The following DOCK1 variants were observed in gnomAD, a reference collection of about 807,000 sequenced individuals.
DOCK1 encodes dedicator of cytokinesis protein 1.
DOCK1 carries 138 observed loss-of-function variants against 262.7 expected under a neutral mutation model. That is an observed-to-expected ratio of 0.53 (90% confidence interval 0.46 to 0.61). DOCK1 has a LOEUF of 0.61. Among genes scored for constraint, DOCK1 ranks in the 20% least tolerant of loss-of-function variants. The pLI is 0.00. For synonymous variants in DOCK1, 866 were observed against 867.4 expected (o/e 1.00, Z 0.03); for missense variants, 1,908 against 2,370.7 (o/e 0.80, Z 4.05).
At chr10:127,411,152 CTG>C (rs1339811133) in intron 43 of DOCK1, among the ~76,000 whole-genome samples, 3 of 152,182 alleles carry the variant, frequency 2.0e-5, no homozygotes, top group Non-Finnish European at 2.9e-5. Context: ...AATAAGGAGA[CTG>C]TGCCGTCCAA....
chr10:127,092,761 G>A (rs2047615508), intron 23 of DOCK1, among the ~76,000 whole-genome samples: 1 of 152,160 alleles, frequency 6.6e-6, no homozygotes, highest in Non-Finnish European at 1.5e-5. Flanking sequence ...GGGATTACAG[G>A]CGTGAGCCAC....
chr10:127,390,263 A>G (rs1029803590), intron 38 of DOCK1, among the ~76,000 whole-genome samples: 4 of 152,202 alleles, frequency 2.6e-5, no homozygotes, highest in African/African-American at 7.2e-5. Flanking sequence ...ATTAATTGGT[A>G]GGACTCTAAC....
chr10:127,153,962 T>TG (rs768106968), intron 27 of DOCK1: 10 of 1,461,116 alleles, frequency 6.8e-6, no homozygotes, highest in Non-Finnish European at 9.6e-6. Flanking sequence ...AAGCGGTGGC[T>TG]GGGGGTCACT....
intron 29 of DOCK1, among the ~76,000 whole-genome samples, chr10:127,280,637 G>A (rs2060927210): frequency 6.6e-6 from 1 of 152,266 alleles, no homozygotes; most frequent in African/African-American, 2.4e-5. Flanking sequence ...AGAATTCTGG[G>A]CATAGATCAG....
At chr10:127,329,298 C>T (rs143515119) in intron 29 of DOCK1, among the ~76,000 whole-genome samples, 28 of 152,320 alleles carry the variant, frequency 1.8e-4, no homozygotes, top group African/African-American at 6.3e-4. Context: ...GGCTGTCCTT[C>T]ACTCACCCAA....
chr10:127,257,279 A>G, intron 28 of DOCK1, 56 bp from the exon 29 acceptor site: 1 of 1,354,506 alleles, frequency 7.4e-7, no homozygotes, highest in Non-Finnish European at 1.0e-6. Flanking sequence ...ACAGGAGGGT[A>G]TCATGTTTAC....
At position 127,175,474 on chromosome 10, in the gene DOCK1, A is replaced by G. The variant is rs2055007165; in HGVS notation, c.2847+47710A>G. On this transcript the variant is annotated intron_variant, in intron 27 of 51. Coordinates refer to ENST00000623213, the MANE Select transcript of DOCK1 (RefSeq NM_001290223.2). This position sits in a 1 kb window ranked among gnomAD's most constrained non-coding sequence, Gnocchi z 6.3. The stretch of plus-strand genomic sequence containing the variant: ...GGGGACAGGCACTGCATCGGGGGTG[A>G]GCAGGCCAGGGCAGTTTCCGAGGGC... 1 of 1,609,578 alleles carries G rather than the reference A, an allele frequency of 6.2e-7. No homozygotes were observed.
At chr10:127,201,666 G>A (rs903388819) in intron 27 of DOCK1, among the ~76,000 whole-genome samples, 1 of 152,090 alleles carries the variant, frequency 6.6e-6, no homozygotes, top group South Asian at 2.1e-4. Flanking sequence ...AAGAGCAGGC[G>A]TGCACTCTGG....
chr10:127,152,524 C>A (rs1223128765), intron 27 of DOCK1, among the ~76,000 whole-genome samples: 2 of 152,148 alleles, frequency 1.3e-5, no homozygotes, highest in African/African-American at 4.8e-5. Flanking sequence ...GTGCCTCTTA[C>A]AACACTCTAA....
intron 39 of DOCK1, among the ~76,000 whole-genome samples, chr10:127,403,754 G>C (rs544823315): frequency 6.6e-6 from 1 of 152,090 alleles, no homozygotes. Flanking sequence ...GTGAGAGTCC[G>C]TCTCAAAAAA....
At chr10:127,392,439 T>G (rs2134206358) in intron 38 of DOCK1, among the ~76,000 whole-genome samples, 1 of 152,244 alleles carries the variant, frequency 6.6e-6, no homozygotes, top group East Asian at 1.9e-4. Flanking sequence ...CCACTCCATT[T>G]TTTTAAATAG....
chr10:127,433,010 A>G (rs1473137650), intron 47 of DOCK1, among the ~76,000 whole-genome samples: 3 of 152,182 alleles, frequency 2.0e-5, no homozygotes, highest in African/African-American at 7.2e-5. Context: ...GAATGTGTTG[A>G]CGCATCGCGG....
In DOCK1 at chr10:127,283,413, C is replaced by A. The variant is rs1004064431; in HGVS notation, c.3044+25984C>A. 2.0e-4 allele frequency among the ~76,000 whole-genome samples: 31 copies of A among 152,242 alleles called. 1 individual carries two copies. The highest frequency in any genetic ancestry group is 7.2e-4 in the African/African-American group (30 of 41,460). On this transcript the variant is annotated intron_variant, in intron 29 of 51. Coordinates refer to ENST00000623213, the MANE Select transcript of DOCK1 (RefSeq NM_001290223.2). ...AGGTTACTGAAGCCTCCAGAAGGCA[C>A]ACTGTCTGATCCAACTCACATGCCA...
Position 126,996,882 on chromosome 10 carries a change from A to G in DOCK1, c.608A>G (p.Lys203Arg). The change falls in exon 7 of 52, where the codon AAA (lysine) becomes AGA (arginine). Residue 203 changes from lysine to arginine, a missense_variant and splice_region_variant. Lys to Arg is a conservative substitution (Grantham distance 26). Coordinates refer to ENST00000623213, the MANE Select transcript of DOCK1 (RefSeq NM_001290223.2). ...KQVEERLQEE[K>R]SQKQNIDINR... ...GTGGAGGAAAGGTTACAAGAGGAAA[A>G]AGTAAGTTTGACTCTGTCATATGCC... is the stretch of plus-strand genomic sequence containing the variant. 2 of 1,594,398 alleles carry G rather than the reference A, an allele frequency of 1.3e-6. No homozygotes were observed. Among genetic ancestry groups the G allele is most frequent in the Non-Finnish European group, 1.7e-6 (2 of 1,173,252 alleles).
At chr10:127,144,300 C>T (rs2051576180) in intron 27 of DOCK1, among the ~76,000 whole-genome samples, 1 of 152,154 alleles carries the variant, frequency 6.6e-6, no homozygotes, top group African/African-American at 2.4e-5. Context: ...AAAGTCCACC[C>T]TCCCCCCTGC....
rs762473965 is a variant in DOCK1, at chr10:126,999,445, C to T, written c.849+10C>T. On this transcript the variant is annotated intron_variant, in intron 9 of 51. Coordinates refer to ENST00000623213, the MANE Select transcript of DOCK1 (RefSeq NM_001290223.2). ...GCGAGCCGTGTTTACTGTAAGTGCA[C>T]CCAAAGATGCTTAGTTGAATTGGCT... 6.2e-7 allele frequency: 1 copy of T among 1,609,656 alleles called. No homozygotes were observed. Among genetic ancestry groups the T allele is most frequent in the East Asian group, 2.2e-5 (1 of 44,854 alleles).
At chr10:127,380,447 A>C (rs551182229) in intron 36 of DOCK1, among the ~76,000 whole-genome samples, 40 of 152,338 alleles carry the variant, frequency 2.6e-4, no homozygotes, top group Non-Finnish European at 5.1e-4. Context: ...AATGTTTCAC[A>C]GTAAGTTATA....
intron 29 of DOCK1, chr10:127,272,325 C>G (rs2060598076): frequency 6.6e-6 from 1 of 152,206 alleles, no homozygotes; most frequent in South Asian, 2.1e-4. Context: ...ACTGAAGCCT[C>G]TTTCCTCCAT....
intron 4 of DOCK1, among the ~76,000 whole-genome samples, chr10:126,985,270 C>A (rs113692395): frequency 6.6e-6 from 1 of 152,100 alleles, no homozygotes; most frequent in African/African-American, 2.4e-5. Context: ...CGTGAGCCAC[C>A]GCGTGGAGCC....
Sources: gnomAD v4.1 joint callset for allele counts (sites outside exome capture counted in the v4.1 genomes callset) on GRCh38, gnomAD v4.1.1 for gene constraint, Gnocchi (gnomAD v3.1) non-coding constraint, MANE v1.5 for transcripts, NCBI Gene and HGNC (gene_info 2026-07-23, HGNC 2026-07-21) for gene names.